The following UBAC2 variants were observed in gnomAD, a reference collection of about 807,000 sequenced individuals.
The protein encoded by UBAC2 is UBA domain containing 2, also known as ubiquitin-associated domain-containing protein 2.
A neutral mutation model predicts 44.0 loss-of-function variants in UBAC2; 26 were observed. That is an observed-to-expected ratio of 0.59 (90% CI 0.43 to 0.82). The LOEUF (loss-of-function observed/expected upper bound fraction) is 0.82. UBAC2 is among the 40% of genes least tolerant of loss of function. The pLI, the probability that UBAC2 is intolerant of heterozygous loss-of-function variation, is 0.00. For missense variants in UBAC2, 329 were observed against 419.4 expected, an observed-to-expected ratio of 0.78 and a Z score of 1.88; for synonymous variants, 155 against 154.3, an observed-to-expected ratio of 1.00 and a Z score of -0.04.
intron 4 of UBAC2, among the ~76,000 whole-genome samples, chr13:99,274,029 G>C (rs1016957010): frequency 3.9e-5 from 6 of 152,062 alleles, no homozygotes; most frequent in African/African-American, 1.4e-4. Context: ...TTTTTACAAA[G>C]TGACACCTTC....
At chr13:99,370,328 AC>A (rs1330218180) in intron 8 of UBAC2, among the ~76,000 whole-genome samples, 1 of 152,204 alleles carries the variant, frequency 6.6e-6, no homozygotes, top group Non-Finnish European at 1.5e-5. Flanking sequence ...TGGCCAAATA[AC>A]AATTGGTGAA....
chr13:99,273,250 A>G (rs2138669416), intron 4 of UBAC2, among the ~76,000 whole-genome samples: 1 of 152,212 alleles, frequency 6.6e-6, no homozygotes, highest in Middle Eastern at 3.4e-3. Flanking sequence ...ACTGTGTTCT[A>G]AGGTTGCCTA....
Position 99,318,057 on chromosome 13 carries a change from C to G in UBAC2, c.549C>G (p.Ala183=). The change falls in exon 6 of 9, where the codon GCC becomes GCG. Residue 183 remains alanine, a synonymous_variant. Coordinates refer to ENST00000403766, the MANE Select transcript of UBAC2 (RefSeq NM_001144072.2). ...FTSGSYIWIV[A]ISGLMSGLCY... ...CTGGTTCCTACATCTGGATTGTAGC[C>G]ATAAGTGGACTTGTAAGTGTGACTA... 4.3e-6 allele frequency: 7 copies of G among 1,611,908 alleles called. No homozygotes were observed. The highest frequency in any genetic ancestry group is 5.9e-6 in the Non-Finnish European group (7 of 1,179,246).
chr13:99,280,819 C>T (rs1165138213), intron 4 of UBAC2, among the ~76,000 whole-genome samples: 2 of 142,168 alleles, frequency 1.4e-5, no homozygotes, highest in African/African-American at 5.0e-5. Flanking sequence ...TTCTTCCTTC[C>T]TTCTTCTTTC....
chr13:99,372,578 G>C (rs2045421570), intron 8 of UBAC2: 1 of 152,318 alleles, frequency 6.6e-6, no homozygotes, highest in Non-Finnish European at 1.5e-5. Context: ...AGGACACCAA[G>C]GTGGGGAAGC....
chr13:99,258,888 CTATT>C (rs1431235292), intron 4 of UBAC2, among the ~76,000 whole-genome samples: 3 of 152,186 alleles, frequency 2.0e-5, no homozygotes, highest in African/African-American at 7.2e-5. Flanking sequence ...CCACTTTTTA[CTATT>C]TAAACATTTC....
chr13:99,206,094 A>T (rs1185493755), intron 1 of UBAC2: 1 of 152,860 alleles, frequency 6.5e-6, no homozygotes, highest in African/African-American at 2.4e-5. Context: ...TAGAGAGGGA[A>T]TGCAGAGAAG....
chr13:99,229,790 T>C (rs1047602801), intron 1 of UBAC2, among the ~76,000 whole-genome samples: 4 of 152,248 alleles, frequency 2.6e-5, no homozygotes, highest in African/African-American at 9.6e-5. Context: ...AAATGTATAG[T>C]TATAAATGCA....
chr13:99,232,399 G>GAGATAGAT lies in UBAC2; in HGVS notation c.32-6027_32-6026insGATAGATA, dbSNP rs1367302629. Reference sequence around the variant, plus strand: ...AGACCCTGTCCATCCTTAGTTGAGAGATATAGATATATATATATATATTCA... The same window carrying GAGATAGAT: ...AGACCCTGTCCATCCTTAGTTGAGAGAGATAGATATATAGATATATATATATATATTCA... On this transcript the variant is annotated intron_variant, in intron 1 of 8. Coordinates refer to ENST00000403766, the MANE Select transcript of UBAC2 (RefSeq NM_001144072.2). Among the ~76,000 whole-genome samples the GAGATAGAT allele has an allele frequency of 9.4e-4, 103 of 109,970 alleles. 4 individuals are homozygous for GAGATAGAT. Among genetic ancestry groups the GAGATAGAT allele is most frequent in the Middle Eastern group, 5.8e-3 (1 of 172 alleles). The allele number at this position is 109,970 out of a possible 152,430, so 72.1% of individuals were successfully genotyped here. A position where few individuals can be genotyped will look rare whatever the true frequency, so the allele number is the denominator to read the frequency against.
chr13:99,307,501 G>A (rs894219783), intron 4 of UBAC2: 2 of 151,558 alleles, frequency 1.3e-5, no homozygotes, highest in Non-Finnish European at 2.9e-5. Context: ...AGCATGTAAT[G>A]AGCAGTTAGC....
chr13:99,351,994 A>T, intron 7 of UBAC2: 1 of 339,860 alleles, frequency 2.9e-6, no homozygotes, highest in Non-Finnish European at 5.8e-6. Flanking sequence ...CTCACTTGGT[A>T]ACATTCTGTG....
At chr13:99,299,572 G>C (rs769210449) in intron 4 of UBAC2, among the ~76,000 whole-genome samples, 2 of 152,064 alleles carry the variant, frequency 1.3e-5, no homozygotes, top group Non-Finnish European at 2.9e-5. Flanking sequence ...TTTCTATTCA[G>C]AATGTTCATT....
intron 4 of UBAC2, among the ~76,000 whole-genome samples, chr13:99,251,443 CCTT>C (rs1250017183): frequency 2.6e-5 from 4 of 152,136 alleles, no homozygotes; most frequent in Non-Finnish European, 4.4e-5. Context: ...AATATTCATC[CCTT>C]CTTCTCTACT....
rs548244519 is a variant in UBAC2 at position 99,203,740 on chromosome 13, T to G, written c.31+2801T>G. ...GTAACTGCAAAGACCGAAGTTATGG[T>G]GGAGGACCACTTTAGCATGCATGGT... On this transcript the variant is annotated intron_variant, in intron 1 of 8. Coordinates refer to ENST00000403766, the MANE Select transcript of UBAC2 (RefSeq NM_001144072.2). Among the ~76,000 whole-genome samples, 16 of 152,154 alleles carry G rather than the reference T, an allele frequency of 1.1e-4. No individual in the cohort carries two copies. The South Asian group carries it at 2.9e-3, about 28-fold the overall frequency.
At chr13:99,209,254 G>A (rs1355623218) in intron 1 of UBAC2, among the ~76,000 whole-genome samples, 1 of 152,168 alleles carries the variant, frequency 6.6e-6, no homozygotes, top group African/African-American at 2.4e-5. Context: ...GCCCCTCAAG[G>A]ATTCACTTCA....
At chr13:99,380,018 G>T (rs948506042) in intron 8 of UBAC2, among the ~76,000 whole-genome samples, 3 of 152,196 alleles carry the variant, frequency 2.0e-5, no homozygotes, top group Non-Finnish European at 2.9e-5. Context: ...GTCGGGGCAT[G>T]TGCAGAAAAG....
At chr13:99,216,146 A>G (rs941530827) in intron 1 of UBAC2, among the ~76,000 whole-genome samples, 1 of 151,610 alleles carries the variant, frequency 6.6e-6, no homozygotes, top group African/African-American at 2.4e-5. Flanking sequence ...CTGACGCCTC[A>G]GCTGGAGTGC....
chr13:99,285,954 C>A (rs2044014228), intron 4 of UBAC2, among the ~76,000 whole-genome samples: 1 of 152,174 alleles, frequency 6.6e-6, no homozygotes, highest in Non-Finnish European at 1.5e-5. Context: ...GATCCCTAGA[C>A]TCTGCCAAAG....
chr13:99,274,184 A>T (rs942913860), intron 4 of UBAC2, among the ~76,000 whole-genome samples: 9 of 152,116 alleles, frequency 5.9e-5, no homozygotes, highest in African/African-American at 2.2e-4. Context: ...AACTTTACAT[A>T]ATAGAGATGT....
Sources: gnomAD v4.1 joint callset for allele counts (sites outside exome capture counted in the v4.1 genomes callset) on GRCh38, gnomAD v4.1.1 for gene constraint, MANE v1.5 for transcripts, NCBI Gene and HGNC (gene_info 2026-07-23, HGNC 2026-07-21) for gene names.